The following LOC122539214 variants were observed in gnomAD, a reference collection of about 807,000 sequenced individuals.
chr19:52,665,758 G>A, the LOC122539214 span, among the ~76,000 whole-genome samples: 1 of 152,166 alleles, frequency 6.6e-6, no homozygotes. Context: ...ATAGGGGAAT[G>A]ACACAGCAGC....
the LOC122539214 span, among the ~76,000 whole-genome samples, chr19:52,683,246 G>A: frequency 1.3e-5 from 1 of 74,584 alleles, no homozygotes; most frequent in Non-Finnish European, 2.7e-5. Flanking sequence ...GTGTGTGTGT[G>A]TGTGTGTGTG....
the LOC122539214 span, among the ~76,000 whole-genome samples, chr19:52,677,306 TAA>T: frequency 0.26 from 27,880 of 105,956 alleles, 2,899 homozygotes; most frequent in African/African-American, 0.28. Flanking sequence ...AATTGAGAAG[TAA>T]AAAAAAAAAA....
chr19:52,655,325 A>G, the LOC122539214 span: 1 of 398,704 alleles, frequency 2.5e-6, no homozygotes, highest in South Asian at 3.8e-5. Context: ...GAGCAGGATG[A>G]CGTTCAATTC....
the LOC122539214 span, chr19:52,654,184 C>T: frequency 1.2e-6 from 2 of 1,600,438 alleles, no homozygotes; most frequent in Non-Finnish European, 1.7e-6. Context: ...GTCTGTACTA[C>T]CAGTCAACTT....
At chr19:52,686,314 T>A in the LOC122539214 span, among the ~76,000 whole-genome samples, 105,606 of 151,486 alleles carry the variant, frequency 0.7, 38,260 homozygotes, top group African/African-American at 0.91. Context: ...CAACGGGAAC[T>A]TAACTGGAAC....
At chr19:52,687,633 GTATATA>G in the LOC122539214 span, among the ~76,000 whole-genome samples, 9 of 27,828 alleles carry the variant, frequency 3.2e-4, 1 homozygote, top group Middle Eastern at 0.04. Flanking sequence ...TATATATAAT[GTATATA>G]TATATATATA....
the LOC122539214 span, chr19:52,655,820 A>C: frequency 1.9e-6 from 1 of 518,782 alleles, no homozygotes; most frequent in Non-Finnish European, 3.4e-6. Context: ...GGTATTTTTG[A>C]ACATTTCTTT....
chr19:52,679,916 C>T, the LOC122539214 span, among the ~76,000 whole-genome samples: 1 of 152,166 alleles, frequency 6.6e-6, no homozygotes, highest in African/African-American at 2.4e-5. Context: ...CACAGTGGCT[C>T]ACACCTGTAA....
the LOC122539214 span, among the ~76,000 whole-genome samples, chr19:52,658,371 G>A: frequency 6.6e-6 from 1 of 152,156 alleles, no homozygotes; most frequent in Non-Finnish European, 1.5e-5. Context: ...TTCATGACCG[G>A]CCTGGCCAAC....
the LOC122539214 span, among the ~76,000 whole-genome samples, chr19:52,689,270 G>C: frequency 6.6e-6 from 1 of 152,134 alleles, no homozygotes; most frequent in Non-Finnish European, 1.5e-5. Flanking sequence ...AAACAATTCT[G>C]TTTCTCTCAT....
the LOC122539214 span, among the ~76,000 whole-genome samples, chr19:52,688,950 G>GA: frequency 8.0e-4 from 101 of 126,786 alleles, 1 homozygote; most frequent in African/African-American, 2.3e-3. Context: ...AAGGTTGAAG[G>GA]AAAAAAAAAA....
the LOC122539214 span, chr19:52,655,523 G>C: frequency 6.9e-7 from 1 of 1,442,238 alleles, no homozygotes. Context: ...AGATAGACAA[G>C]GGCAGATTCC....
chr19:52,688,564 C>T, the LOC122539214 span, among the ~76,000 whole-genome samples: 1,064 of 151,784 alleles, frequency 7.0e-3, 13 homozygotes, highest in African/African-American at 0.024. Flanking sequence ...TATTTTCCCC[C>T]GGGGTTCTGC....
the LOC122539214 span, among the ~76,000 whole-genome samples, chr19:52,673,788 G>C: frequency 1.3e-5 from 2 of 150,802 alleles, no homozygotes; most frequent in Non-Finnish European, 2.9e-5. Context: ...GCTGAGGTGG[G>C]CCAATCACCT....
At chr19:52,659,886 G>A in the LOC122539214 span, among the ~76,000 whole-genome samples, 1 of 152,166 alleles carries the variant, frequency 6.6e-6, no homozygotes, top group African/African-American at 2.4e-5. Flanking sequence ...GGGAGCTCCT[G>A]TAATATTATC....
At chr19:52,679,451 A>T in the LOC122539214 span, among the ~76,000 whole-genome samples, 27 of 152,222 alleles carry the variant, frequency 1.8e-4, no homozygotes, top group African/African-American at 6.0e-4. Flanking sequence ...ACTCTACTAA[A>T]AATACAAAAA....
chr19:52,680,730 A>T, the LOC122539214 span, among the ~76,000 whole-genome samples: 1 of 136,230 alleles, frequency 7.3e-6, no homozygotes. Context: ...CTCCTGCCTC[A>T]GCCTCCCGAG....
At chr19:52,681,654 A>T in the LOC122539214 span, among the ~76,000 whole-genome samples, 1 of 152,214 alleles carries the variant, frequency 6.6e-6, no homozygotes, top group African/African-American at 2.4e-5. Flanking sequence ...TGTCAACACA[A>T]GCACTGAATC....
chr19:52,673,305 G>A, the LOC122539214 span, among the ~76,000 whole-genome samples: 1 of 152,158 alleles, frequency 6.6e-6, no homozygotes, highest in Non-Finnish European at 1.5e-5. Context: ...AAGAGTTCGA[G>A]ACCAGCCTGA....
Sources: gnomAD v4.1 joint callset for allele counts (sites outside exome capture counted in the v4.1 genomes callset) on GRCh38, gnomAD v4.1.1 for gene constraint, MANE v1.5 for transcripts.